Variants in ENKUR observed in about 807,000 individuals in gnomAD.
ENKUR encodes the protein enkurin, TRPC channel interacting protein.
In ENKUR, 19 loss-of-function variants were observed where a neutral mutation model predicts 27.6. The ratio of observed to expected loss-of-function variants is 0.69; its 90% CI spans 0.48 to 1.01. The LOEUF (loss-of-function observed/expected upper bound fraction) is 1.01, where lower values mean the gene tolerates loss of function less well. ENKUR is among the 50% of genes least tolerant of loss of function. The pLI, the probability that ENKUR is intolerant of heterozygous loss-of-function variation, is 0.00. For synonymous variants in ENKUR, 117 were observed against 96.9 expected (o/e 1.21, Z -1.22); for missense variants, 312 against 310.5 (o/e 1.00, Z -0.04).
At chr10:25,001,553 T>C (rs1488760983) in intron 1 of ENKUR, among the ~76,000 whole-genome samples, 1 of 152,144 alleles carries the variant, frequency 6.6e-6, no homozygotes, top group African/African-American at 2.4e-5. Context: ...TGCTTTCTTT[T>C]TCAGTCTATT....
At chr10:25,061,917 A>G (rs73608235) in intron 1 of ENKUR, among the ~76,000 whole-genome samples, 4,177 of 152,334 alleles carry the variant, frequency 0.027, 123 homozygotes, top group African/African-American at 0.074. Context: ...TTACTGGCAC[A>G]TGGAAGGCAC....
At chr10:25,048,648 G>T (rs1851147993) in intron 2 of ENKUR, among the ~76,000 whole-genome samples, 2 of 152,006 alleles carry the variant, frequency 1.3e-5, no homozygotes, top group Non-Finnish European at 2.9e-5. Flanking sequence ...AAGCAAATGA[G>T]ATGCAGTCCA....
Position 25,015,993 on chromosome 10 carries a change from G to A in ENKUR, c.-57C>T. ...CCACAACTTTTTTCTCCCTGTCCCA[G>A]TATCTCCGTCCCTTTCTTCACTGCT... On this transcript the variant is annotated 5_prime_UTR_variant, in exon 1 of 6. Transcript: ENST00000331161. 6.4e-7 allele frequency: 1 copy of A among 1,571,962 alleles called. No homozygotes were observed. The highest frequency in any genetic ancestry group is 8.6e-7 in the Non-Finnish European group (1 of 1,159,798).
In ENKUR at chr10:25,003,888, C is replaced by T. The variant is rs1345039175; in HGVS notation, c.78-4342G>A. On this transcript the variant is annotated intron_variant, in intron 1 of 5. Coordinates refer to ENST00000331161, the MANE Select transcript of ENKUR (RefSeq NM_145010.4). ...TCCCCTCCATGTGTTCATGTGTTAT[C>T]ACCATTTAGCTCTCACTTTAAGTGA... Among the ~76,000 whole-genome samples the T allele has an allele frequency of 2.0e-5, 3 of 152,308 alleles. No homozygotes were observed. The East Asian group carries it at 5.8e-4, about 29-fold the overall frequency.
At chr10:25,023,739 G>A (rs1564349516) in intron 2 of ENKUR, 1 of 1,613,880 alleles carries the variant, frequency 6.2e-7, no homozygotes. Flanking sequence ...AGACAGATAG[G>A]ATTGTAGGTC....
chr10:25,005,142 T>C (rs1287401721), intron 1 of ENKUR, among the ~76,000 whole-genome samples: 1 of 152,202 alleles, frequency 6.6e-6, no homozygotes, highest in Non-Finnish European at 1.5e-5. Flanking sequence ...ACCAGTACCA[T>C]GCTGTTTTGG....
At chr10:25,031,057 G>T (rs145454883) in intron 2 of ENKUR, among the ~76,000 whole-genome samples, 1 of 152,202 alleles carries the variant, frequency 6.6e-6, no homozygotes, top group Non-Finnish European at 1.5e-5. Context: ...GGCAGAGATT[G>T]CAGTAGCCAA....
At chr10:25,050,261 C>G (rs1234232157) in intron 2 of ENKUR, among the ~76,000 whole-genome samples, 1 of 152,142 alleles carries the variant, frequency 6.6e-6, no homozygotes, top group Non-Finnish European at 1.5e-5. Flanking sequence ...AGCATCCAAA[C>G]CATATCAAGT....
At chr10:25,029,160 A>G (rs904024908) in intron 2 of ENKUR, among the ~76,000 whole-genome samples, 1 of 152,218 alleles carries the variant, frequency 6.6e-6, no homozygotes, top group Non-Finnish European at 1.5e-5. Context: ...TAGTGACTGT[A>G]AACTTCTTAA....
At chr10:25,061,419 A>G (rs1424615930) in intron 1 of ENKUR, 1 of 399,976 alleles carries the variant, frequency 2.5e-6, no homozygotes, top group African/African-American at 2.1e-5. Context: ...ACCTCCCAAC[A>G]CAAACTGAAT....
chr10:25,011,451 GATACAA>G (rs1850442115), intron 1 of ENKUR, among the ~76,000 whole-genome samples: 1 of 152,082 alleles, frequency 6.6e-6, no homozygotes, highest in Non-Finnish European at 1.5e-5. Flanking sequence ...AGTTTAATTA[GATACAA>G]ACCTGAGAAA....
At position 25,016,000 on chromosome 10, in the gene ENKUR, C is replaced by T; in HGVS notation, c.-64G>A. The T allele has an allele frequency of 6.4e-7, 1 of 1,559,454 alleles. No homozygotes were observed. The highest frequency in any genetic ancestry group is 1.2e-5 in the South Asian group (1 of 80,960). On this transcript the variant is annotated 5_prime_UTR_variant, in exon 1 of 6. Transcript: ENST00000331161. The stretch of plus-strand genomic sequence containing the variant: ...TTTTTTCTCCCTGTCCCAGTATCTC[C>T]GTCCCTTTCTTCACTGCTTCCCCTT...
At chr10:24,996,360 T>C (rs1033138323) in intron 2 of ENKUR, among the ~76,000 whole-genome samples, 5 of 152,030 alleles carry the variant, frequency 3.3e-5, no homozygotes, top group Admixed American at 2.0e-4. Context: ...AGGCGGAGGT[T>C]GCAGTGAACC....
chr10:25,020,440 T>C (rs11014349), upstream of ENKUR, among the ~76,000 whole-genome samples: 38,423 of 151,932 alleles, frequency 0.25, 5,719 homozygotes, highest in East Asian at 0.5. Context: ...ATGTTAAGCA[T>C]GGTAGCAAGC....
chr10:25,011,892 G>A (rs1850454477), intron 1 of ENKUR, among the ~76,000 whole-genome samples: 1 of 152,208 alleles, frequency 6.6e-6, no homozygotes, highest in South Asian at 2.1e-4. Context: ...AAACAATGGG[G>A]AAAATGTCTC....
Position 25,027,311 on chromosome 10 carries a change from G to A in ENKUR, c.38-31442C>T, listed in dbSNP as rs567553302. 3.8e-4 allele frequency among the ~76,000 whole-genome samples: 49 copies of A among 130,238 alleles called. 1 individual carries two copies. The highest frequency in any genetic ancestry group is 4.6e-3 in the Middle Eastern group (1 of 216). The allele number at this position is 130,238 out of a possible 152,430, so 85.4% of individuals were successfully genotyped here. ...GCGGAGTTTGCAGTGAGCCGAAATC[G>A]CGCCACTGCCACTCCAGCCTGGGTG... On this transcript the variant is annotated intron_variant, in intron 2 of 5. Coordinates refer to the ENKUR transcript ENST00000615958.
At chr10:25,044,689 G>C (rs979658516) in intron 2 of ENKUR, among the ~76,000 whole-genome samples, 10 of 152,200 alleles carry the variant, frequency 6.6e-5, no homozygotes, top group African/African-American at 2.4e-4. Flanking sequence ...GAGCCACCAT[G>C]CTCTGTTGGG....
upstream of ENKUR, among the ~76,000 whole-genome samples, chr10:25,017,035 C>A (rs1343826914): frequency 2.0e-5 from 3 of 152,192 alleles, no homozygotes; most frequent in African/African-American, 4.8e-5. Context: ...CGCCCCTGCT[C>A]CCGGGACCGC....
At chr10:25,059,210 G>A (rs137964564) in intron 2 of ENKUR, among the ~76,000 whole-genome samples, 1 of 144,330 alleles carries the variant, frequency 6.9e-6, no homozygotes, top group East Asian at 2.1e-4. Context: ...TCTGGTCACT[G>A]CAACCTCTGC....
Sources: gnomAD v4.1 joint callset for allele counts (sites outside exome capture counted in the v4.1 genomes callset) on GRCh38, gnomAD v4.1.1 for gene constraint, MANE v1.5 for transcripts, NCBI Gene and HGNC (gene_info 2026-07-23, HGNC 2026-07-21) for gene names.